The following FAM83F variants were observed in gnomAD, a reference collection of about 807,000 sequenced individuals.
FAM83F encodes the protein protein FAM83F.
In FAM83F, 45 loss-of-function variants were observed where a neutral mutation model predicts 42.9. The ratio of observed to expected loss-of-function variants is 1.05; its 90% confidence interval spans 0.83 to 1.35. FAM83F has a LOEUF of 1.35. FAM83F is among the 40% of genes most tolerant of loss of function. The pLI, the probability that FAM83F is intolerant of heterozygous loss-of-function variation, is 0.00. For missense variants in FAM83F, 617 were observed against 695.9 expected, an observed-to-expected ratio of 0.89 and a Z score of 1.28; for synonymous variants, 306 against 298.3, an observed-to-expected ratio of 1.03 and a Z score of -0.27.
chr22:40,019,120 G>C (rs372746863), intron 1 of FAM83F, 48 bp from the exon 2 acceptor site: 3 of 1,601,962 alleles, frequency 1.9e-6, no homozygotes, highest in Non-Finnish European at 2.6e-6. Context: ...GCATGCCTCT[G>C]TGGGCGTGTA....
intron 1 of FAM83F, among the ~76,000 whole-genome samples, chr22:40,018,345 C>T (rs541474854): frequency 2.4e-4 from 36 of 152,304 alleles, no homozygotes; most frequent in South Asian, 1.0e-3. Context: ...CTGGCATCTC[C>T]GTGATGGCAT....
chr22:40,001,302 T>G (rs1041829085), intron 1 of FAM83F, among the ~76,000 whole-genome samples: 1 of 152,200 alleles, frequency 6.6e-6, no homozygotes, highest in African/African-American at 2.4e-5. Flanking sequence ...CTAAAGCTCC[T>G]GGCTGATAAA....
In FAM83F at chr22:40,032,206, C is replaced by T. The variant is rs1328848088; in HGVS notation, c.*2641C>T. On this transcript the variant is annotated 3_prime_UTR_variant, in exon 5 of 5. Coordinates refer to ENST00000333407, the MANE Select transcript of FAM83F (RefSeq NM_138435.4). ...ACACCACCACCAAGCTGCTGTCTTT[C>T]TGAGTCAGCTTCTGTAGGGTAAGTG... is the stretch of plus-strand genomic sequence containing the variant. 7.1e-6 allele frequency: 1 copy of T among 140,782 alleles called. No homozygotes were observed. The highest frequency in any genetic ancestry group is 1.6e-5 in the Non-Finnish European group (1 of 64,388). The allele number at this position is 140,782 out of a possible 1,614,324, so 8.7% of individuals were successfully genotyped here.
chr22:39,995,405 G>C lies in FAM83F; in HGVS notation c.363G>C (p.Leu121=). Residue 121 remains leucine, a synonymous_variant, in exon 1 of 5, where the codon CTG becomes CTC. Transcript: ENST00000333407. The surrounding 1 kb of genome is among the most constrained non-coding windows in gnomAD (Gnocchi z 4.6). ...RSDTEVPPLD[L]GWTDTGFYRG... is the part of the protein sequence containing the mutation. ...ACACCGAGGTGCCTCCTCTGGACCT[G>C]GGCTGGACGGACACTGGTTTCTACC... The C allele has an allele frequency of 6.5e-7, 1 of 1,549,436 alleles. No individual in the cohort carries two copies. Among genetic ancestry groups the C allele is most frequent in the Non-Finnish European group, 8.7e-7 (1 of 1,146,902 alleles).
intron 4 of FAM83F, among the ~76,000 whole-genome samples, chr22:40,027,813 C>G (rs929744187): frequency 2.6e-5 from 4 of 152,226 alleles, no homozygotes; most frequent in Non-Finnish European, 4.4e-5. Context: ...CGGAGGCAGC[C>G]AGCCGGGTGG....
chr22:40,024,437 C>A (rs1383920022), intron 4 of FAM83F, among the ~76,000 whole-genome samples: 3 of 152,332 alleles, frequency 2.0e-5, no homozygotes, highest in South Asian at 2.1e-4. Context: ...GGGCCCCTGA[C>A]AGCATGGGGC....
At chr22:40,019,739 G>A (rs1276220757) in intron 2 of FAM83F, 148 bp from the exon 3 acceptor site, 37 of 1,165,116 alleles carry the variant, frequency 3.2e-5, no homozygotes, top group Non-Finnish European at 4.1e-5. Context: ...GGTTCCCTAT[G>A]GAAGGCTGTA....
At position 40,009,212 on chromosome 22, in the gene FAM83F, C is replaced by T. The variant is rs146070403; in HGVS notation, c.490-9956C>T. Among the ~76,000 whole-genome samples the T allele has an allele frequency of 1.2e-3, 180 of 152,150 alleles. 1 individual carries two copies. The highest frequency in any genetic ancestry group is 2.2e-3 in the Admixed American group (33 of 15,296). On this transcript the variant is annotated intron_variant, in intron 1 of 4. Coordinates refer to ENST00000333407, the MANE Select transcript of FAM83F (RefSeq NM_138435.4). The stretch of plus-strand genomic sequence containing the variant: ...GGGTAGGTAATCAGTGGGAAAGTGT[C>T]CCTAGCTGCTTCCCTTCCTTCCCCA...
chr22:39,995,176 C>T lies in FAM83F; in HGVS notation c.134C>T (p.Ala45Val). The change falls in exon 1 of 5, where the codon GCC becomes GTC. Residue 45 changes from alanine to valine, a missense_variant. By Grantham distance (64) the Ala-to-Val change is moderately conservative. Transcript: ENST00000333407. This position sits in a 1 kb window ranked among gnomAD's most constrained non-coding sequence, Gnocchi z 4.6. The part of the protein sequence containing the change: ...LEALLGGGEQ[A>V]YRERLKEEQL... ...GCGCTGCTGGGCGGCGGCGAGCAGG[C>T]CTACCGCGAGCGGCTCAAGGAGGAG... is the stretch of plus-strand genomic sequence containing the variant. 1 of 1,480,186 alleles carries T rather than the reference C, an allele frequency of 6.8e-7. No homozygotes were observed. The highest frequency in any genetic ancestry group is 8.9e-7 in the Non-Finnish European group (1 of 1,125,186). The allele number at this position is 1,480,186 out of a possible 1,614,324, so 91.7% of individuals were successfully genotyped here.
At chr22:40,020,091 G>A (rs766970988) in intron 3 of FAM83F, 83 bp downstream of exon 3, 93 of 1,521,382 alleles carry the variant, frequency 6.1e-5, no homozygotes, top group Admixed American at 4.7e-4. Flanking sequence ...CGGAGCCTCC[G>A]TCATCATGAG....
At position 40,036,138 on chromosome 22, in the gene FAM83F, C is replaced by T. The variant is rs2067622492; in HGVS notation, c.*6573C>T. On this transcript the variant is annotated 3_prime_UTR_variant, in exon 5 of 5. Transcript: ENST00000333407. ...AATGAGTTCCTTGAGATCTTCCATC[C>T]TCAGCTTCCCAAGTAGCTAGTAGTA... 6.6e-6 allele frequency: 1 copy of T among 152,174 alleles called. No homozygotes were observed. Among genetic ancestry groups the T allele is most frequent in the Admixed American group, 6.5e-5 (1 of 15,274 alleles). The allele number at this position is 152,174 out of a possible 1,614,324, so 9.4% of individuals were successfully genotyped here.
chr22:39,999,146 A>T (rs1167834989), intron 1 of FAM83F: 1 of 152,230 alleles, frequency 6.6e-6, no homozygotes, highest in Non-Finnish European at 1.5e-5. Context: ...CTGATCCATC[A>T]TCTAATACAG....
intron 4 of FAM83F, among the ~76,000 whole-genome samples, chr22:40,028,912 G>A (rs985319895): frequency 6.6e-5 from 10 of 152,318 alleles, no homozygotes; most frequent in East Asian, 3.9e-4. Context: ...GAACTGGACC[G>A]GGAAGGCCAG....
At chr22:40,019,050 TG>T in intron 1 of FAM83F, 117 bp from the exon 2 acceptor site, 1 of 1,188,938 alleles carries the variant, frequency 8.4e-7, no homozygotes, top group Non-Finnish European at 1.2e-6. Flanking sequence ...ATGGTACAGG[TG>T]GAGTTTTTGA....
chr22:40,006,956 G>C (rs148510055), intron 1 of FAM83F, among the ~76,000 whole-genome samples: 86 of 152,292 alleles, frequency 5.6e-4, no homozygotes, highest in African/African-American at 2.0e-3. Context: ...CACCAGGCAA[G>C]ATTTTATCTA....
chr22:40,009,269 G>A (rs886604274), intron 1 of FAM83F, among the ~76,000 whole-genome samples: 3 of 152,024 alleles, frequency 2.0e-5, no homozygotes, highest in African/African-American at 4.8e-5. Context: ...AGGCCCCCCC[G>A]AGATCAGCAA....
intron 1 of FAM83F, among the ~76,000 whole-genome samples, chr22:40,015,082 TTGTG>T (rs1352472919): frequency 6.6e-6 from 1 of 152,084 alleles, no homozygotes; most frequent in Admixed American, 6.6e-5. Context: ...ATGGGCATGT[TTGTG>T]TGTGTGTAAG....
intron 1 of FAM83F, chr22:39,997,859 G>A (rs996171133): frequency 3.3e-5 from 5 of 152,178 alleles, no homozygotes; most frequent in African/African-American, 9.7e-5. Flanking sequence ...CAGGACCTCC[G>A]GGTCCCCACC....
rs931526660 is a variant in FAM83F, at chr22:40,036,917, G to A, written c.*7352G>A. 6.6e-6 allele frequency: 1 copy of A among 152,272 alleles called. No individual in the cohort carries two copies. The highest frequency in any genetic ancestry group is 2.4e-5 in the African/African-American group (1 of 41,458). The allele number at this position is 152,272 out of a possible 1,614,324, so 9.4% of individuals were successfully genotyped here. On this transcript the variant is annotated 3_prime_UTR_variant, in exon 5 of 5. Transcript: ENST00000333407. ...AGCTCCTTCTGTGGCGGGCCAAAAA[G>A]TGAACATTCAGTGTGTCTGTTGCAG...
Sources: gnomAD v4.1 joint callset for allele counts (sites outside exome capture counted in the v4.1 genomes callset) on GRCh38, gnomAD v4.1.1 for gene constraint, Gnocchi (gnomAD v3.1) non-coding constraint, MANE v1.5 for transcripts, NCBI Gene and HGNC (gene_info 2026-07-23, HGNC 2026-07-21) for gene names.